ESS2: variants seen among roughly 807,000 people sequenced by gnomAD.
The protein encoded by ESS2 is ess-2 spliceosome associated protein.
In ESS2, 31 loss-of-function variants were observed where a neutral mutation model predicts 52.0. The observed-to-expected ratio is 0.60, with a 90% CI of 0.45 to 0.81. The LOEUF (loss-of-function observed/expected upper bound fraction) is 0.81, where lower values mean the gene tolerates loss of function less well. ESS2 is among the 30% of genes least tolerant of loss of function. The pLI is 0.00. For synonymous variants in ESS2, 285 were observed against 259.2 expected, an observed-to-expected ratio of 1.10 and a Z score of -0.95; for missense variants, 602 against 637.2, an observed-to-expected ratio of 0.94 and a Z score of 0.59.
chr22:19,139,801 C>T (rs1369399842), intron 4 of ESS2, 54 bp downstream of exon 4: 16 of 1,613,736 alleles, frequency 9.9e-6, no homozygotes, highest in Admixed American at 1.7e-5. Context: ...TGGGGCTCCC[C>T]AACCACCACA....
chr22:19,143,321 C>T (rs1862340888), intron 1 of ESS2, among the ~76,000 whole-genome samples: 1 of 152,152 alleles, frequency 6.6e-6, no homozygotes, highest in South Asian at 2.1e-4. Flanking sequence ...ATTCTACTTC[C>T]CCAATGACTG....
At position 19,132,105 on chromosome 22, in the gene ESS2, C is replaced by T; in HGVS notation, c.*2091G>A. 2 of 1,613,028 alleles carry T rather than the reference C, an allele frequency of 1.2e-6. No individual in the cohort carries two copies. Among genetic ancestry groups the T allele is most frequent in the Non-Finnish European group, 1.7e-6 (2 of 1,179,126 alleles). On this transcript the variant is annotated 3_prime_UTR_variant, in exon 10 of 10. Coordinates refer to ENST00000252137, the MANE Select transcript of ESS2 (RefSeq NM_022719.3). This position sits in a 1 kb window ranked among gnomAD's most constrained non-coding sequence, Gnocchi z 4.2. ...CCAGAAGGAGCACCGTGTGGACTTC[C>T]CGCGCTCCAAGAACCTGACCTGCGA...
chr22:19,140,745 G>A (rs1397731605), intron 3 of ESS2, among the ~76,000 whole-genome samples: 2 of 152,204 alleles, frequency 1.3e-5, no homozygotes, highest in African/African-American at 4.8e-5. Context: ...CCTGCTACAC[G>A]TGAGGCTATG....
Position 19,132,604 on chromosome 22 carries a change from T to A in ESS2, c.*1592A>T. ...ACAGGTGCAAGTAAAATTCGTCAAT[T>A]AAACCACTATTTTGATTACGTTCCA... On this transcript the variant is annotated 3_prime_UTR_variant, in exon 10 of 10. Coordinates refer to ENST00000252137, the MANE Select transcript of ESS2 (RefSeq NM_022719.3). The surrounding 1 kb of genome is among the most constrained non-coding windows in gnomAD (Gnocchi z 4.2). 1.1e-6 allele frequency: 1 copy of A among 914,626 alleles called. No individual in the cohort carries two copies. Among genetic ancestry groups the A allele is most frequent in the Non-Finnish European group, 1.7e-6 (1 of 588,506 alleles). The allele number at this position is 914,626 out of a possible 1,614,324, so 56.7% of individuals were successfully genotyped here. A position where few individuals can be genotyped will look rare whatever the true frequency, so the allele number is the denominator to read the frequency against.
chr22:19,135,173 G>T lies in ESS2; in HGVS notation c.1038C>A (p.Ile346=), dbSNP rs1400560553. The T allele has an allele frequency of 1.2e-6, 2 of 1,612,482 alleles. No homozygotes were observed. Among genetic ancestry groups the T allele is most frequent in the Non-Finnish European group, 1.7e-6 (2 of 1,178,864 alleles). The change falls in exon 9 of 10, where the codon ATC becomes ATA. Residue 346 remains isoleucine (I), a splice_region_variant and synonymous_variant. Coordinates refer to ENST00000252137, the MANE Select transcript of ESS2 (RefSeq NM_022719.3). ...GCCGCTCCCTGCGGCCTGGCTCCAGGATCTACAAGGTAGCAGGTGTGTGGG... is the reference window on the plus strand; with the variant it reads ...GCCGCTCCCTGCGGCCTGGCTCCAGTATCTACAAGGTAGCAGGTGTGTGGG... ...VDRTPGPAFK[I]LEPGRRERLG... is the part of the protein sequence containing the mutation.
rs1421706264 is a variant in ESS2 at position 19,142,466 on chromosome 22, C to T, written c.400+72G>A. ...TGGCCTGCAGCCCTCTGGACCACCC[C>T]CTCAGGGCCTCACAGGCTAAGATTC... On this transcript the variant is annotated intron_variant, in intron 3 of 9. Transcript: ENST00000252137. 21 of 1,412,140 alleles carry T rather than the reference C, an allele frequency of 1.5e-5. No individual in the cohort carries two copies. The Admixed American group carries it at 3.7e-4, about 25-fold the overall frequency. 87.5% of individuals were successfully genotyped at this position (1,412,140 alleles called of 1,614,324 possible).
In ESS2 at chr22:19,142,650, G is replaced by T. The variant is rs2083709045; in HGVS notation, c.305-17C>A. On this transcript the variant is annotated splice_polypyrimidine_tract_variant and intron_variant, in intron 2 of 9. Transcript: ENST00000252137. Reference sequence around the variant, plus strand: ...GAGTCACATCTAGGGGAAGAGAGGGGGATAAGAATTAGAGTGAGCCTGAAG... The same window carrying T: ...GAGTCACATCTAGGGGAAGAGAGGGTGATAAGAATTAGAGTGAGCCTGAAG... The T allele has an allele frequency of 6.2e-7, 1 of 1,611,044 alleles. No homozygotes were observed. The highest frequency in any genetic ancestry group is 2.2e-5 in the East Asian group (1 of 44,878).
intron 4 of ESS2, 41 bp from the exon 5 acceptor site, chr22:19,139,770 T>C (rs2051910345): frequency 6.2e-7 from 1 of 1,612,778 alleles, no homozygotes; most frequent in Non-Finnish European, 8.5e-7. Flanking sequence ...GAGATGCCCC[T>C]GGGCATTGTA....
intron 4 of ESS2, 59 bp downstream of exon 4, chr22:19,139,796 C>T (rs1236642914): frequency 1.1e-5 from 17 of 1,613,712 alleles, no homozygotes; most frequent in Middle Eastern, 1.7e-4. Context: ...GGCCCTGGGG[C>T]TCCCCAACCA....
rs746506915 is a variant in ESS2, at chr22:19,135,143, A to G, written c.1068T>C (p.Gly356=). The change falls in exon 9 of 10, where the codon GGT becomes GGC. Residue 356 remains glycine (G), a synonymous_variant. Coordinates refer to ENST00000252137, the MANE Select transcript of ESS2 (RefSeq NM_022719.3). Reference sequence around the variant, plus strand: ...CAGCGGCCTCGTTGGCCATCTTCAGACCCAGCCGCTCCCTGCGGCCTGGCT... The same window carrying G: ...CAGCGGCCTCGTTGGCCATCTTCAGGCCCAGCCGCTCCCTGCGGCCTGGCT... ...ILEPGRRERL[G]LKMANEAAAK... 6.2e-7 allele frequency: 1 copy of G among 1,613,722 alleles called. No individual in the cohort carries two copies.
chr22:19,132,186 A>G lies in ESS2; in HGVS notation c.*2010T>C. On this transcript the variant is annotated 3_prime_UTR_variant, in exon 10 of 10. Coordinates refer to ENST00000252137, the MANE Select transcript of ESS2 (RefSeq NM_022719.3). The surrounding 1 kb of genome is among the most constrained non-coding windows in gnomAD (Gnocchi z 4.2). ...GCCCGACGTCAGCCAGCGGCTCCAC[A>G]TCGATGAGATCCTCAGCCACTCGTG... 6.2e-7 allele frequency: 1 copy of G among 1,613,086 alleles called. No homozygotes were observed. The highest frequency in any genetic ancestry group is 2.2e-5 in the East Asian group (1 of 44,830).
Position 19,132,267 on chromosome 22 carries a change from G to A in ESS2, c.*1929C>T, listed in dbSNP as rs1232235276. 1.2e-6 allele frequency: 2 copies of A among 1,612,798 alleles called. No homozygotes were observed. Among genetic ancestry groups the A allele is most frequent in the Admixed American group, 3.3e-5 (2 of 60,000 alleles). Reference sequence around the variant, plus strand: ...TTCTGCCTCCTTCAAGAGGGAGGGGGAGGGCAAGTACCGCGCTGAGTGCAA... The same window carrying A: ...TTCTGCCTCCTTCAAGAGGGAGGGGAAGGGCAAGTACCGCGCTGAGTGCAA... On this transcript the variant is annotated 3_prime_UTR_variant, in exon 10 of 10. Coordinates refer to ENST00000252137, the MANE Select transcript of ESS2 (RefSeq NM_022719.3). The surrounding 1 kb of genome is among the most constrained non-coding windows in gnomAD (Gnocchi z 4.2).
chr22:19,134,766 ACT>A (rs899882645), intron 9 of ESS2, among the ~76,000 whole-genome samples: 39 of 151,914 alleles, frequency 2.6e-4, no homozygotes, highest in African/African-American at 9.2e-4. Context: ...GGGAACGATG[ACT>A]CTCTCCACAG....
chr22:19,137,479 C>T (rs779470660), intron 7 of ESS2, 47 bp from the exon 8 acceptor site: 1 of 1,382,546 alleles, frequency 7.2e-7, no homozygotes. Context: ...GGACTCCCCA[C>T]CACCCTCCCC....
Position 19,135,098 on chromosome 22 carries a change from C to T in ESS2, c.1113G>A (p.Lys371=), listed in dbSNP as rs2083559235. The T allele has an allele frequency of 1.2e-6, 2 of 1,614,116 alleles. No individual in the cohort carries two copies. Among genetic ancestry groups the T allele is most frequent in the Admixed American group, 1.7e-5 (1 of 60,028 alleles). The change falls in exon 9 of 10, where the codon AAG becomes AAA. Residue 371 remains lysine (K), a synonymous_variant. Transcript: ENST00000252137. The stretch of plus-strand genomic sequence containing the variant: ...CCGTCACTCTCCGCAAGGCTTCCTG[C>T]TTCTTGGCCCGGTTCTTGGCAGCGG... ...NEAAAKNRAK[K]QEALRRVTEN...
At position 19,131,994 on chromosome 22, in the gene ESS2, A is replaced by T. The variant is rs772250594; in HGVS notation, c.*2202T>A. ...CCCCTACCAGCCCAAGGTGTATGAC[A>T]TCTGGAGCCTGGGCGTGATCCTGTA... On this transcript the variant is annotated 3_prime_UTR_variant, in exon 10 of 10. Coordinates refer to ENST00000252137, the MANE Select transcript of ESS2 (RefSeq NM_022719.3). This position sits in a 1 kb window ranked among gnomAD's most constrained non-coding sequence, Gnocchi z 5.7. The T allele has an allele frequency of 4.3e-6, 7 of 1,614,184 alleles. No homozygotes were observed. The highest frequency in any genetic ancestry group is 5.9e-6 in the Non-Finnish European group (7 of 1,180,046).
rs142149550 is a variant in ESS2, at chr22:19,137,389, G to A, written c.969C>T (p.Asn323=). 1 of 1,613,762 alleles carries A rather than the reference G, an allele frequency of 6.2e-7. No homozygotes were observed. Among genetic ancestry groups the A allele is most frequent in the East Asian group, 2.2e-5 (1 of 44,828 alleles). ...SPMMTWGEVE[N]TPLRVEGSET... Reference sequence around the variant, plus strand: ...CCGACCCTTCAACTCTCAAGGGTGTGTTCTCAACCTCCCCCCAGGTCATCA... The same window carrying A: ...CCGACCCTTCAACTCTCAAGGGTGTATTCTCAACCTCCCCCCAGGTCATCA... The change falls in exon 8 of 10, where the codon AAC becomes AAT. Residue 323 remains asparagine, a synonymous_variant. Coordinates refer to ENST00000252137, the MANE Select transcript of ESS2 (RefSeq NM_022719.3).
intron 8 of ESS2, among the ~76,000 whole-genome samples, chr22:19,135,382 G>T (rs948756164): frequency 6.6e-6 from 1 of 152,222 alleles, no homozygotes; most frequent in African/African-American, 2.4e-5. Context: ...CTGTCTTCGT[G>T]TTCCTCCCAA....
intron 7 of ESS2, 123 bp from the exon 8 acceptor site, chr22:19,137,555 C>T: frequency 1.1e-6 from 1 of 941,554 alleles, no homozygotes; most frequent in Non-Finnish European, 1.6e-6. Context: ...CTAGCCCTCT[C>T]TCCTTCCCCA....
Sources: allele counts gnomAD v4.1 joint callset (sites outside exome capture counted in the v4.1 genomes callset), GRCh38; gene constraint gnomAD v4.1.1; non-coding constraint Gnocchi (gnomAD v3.1); transcripts MANE v1.5; gene names NCBI Gene and HGNC (gene_info 2026-07-23, HGNC 2026-07-21).